Variants in CHST11 observed in about 807,000 individuals in gnomAD.
The protein encoded by CHST11 is C4S-1.
Under a neutral mutation model 30.4 loss-of-function variants are expected in CHST11, and 9 were observed. That is an observed-to-expected ratio of 0.30 (90% CI 0.18 to 0.52). The LOEUF (loss-of-function observed/expected upper bound fraction) is 0.52, where lower values mean the gene tolerates loss of function less well. Among genes scored for constraint, CHST11 ranks in the 20% least tolerant of loss-of-function variants. The probability of loss-of-function intolerance (pLI) is 0.97; values close to 1 mark genes in which losing one functional copy is unlikely to be tolerated. For missense variants in CHST11, 348 were observed against 460.6 expected (o/e 0.76, Z 2.24); for synonymous variants, 152 against 187.8 (o/e 0.81, Z 1.56).
At chr12:104,509,897 G>A (rs2037946331) in intron 1 of CHST11, among the ~76,000 whole-genome samples, 1 of 152,244 alleles carries the variant, frequency 6.6e-6, no homozygotes, top group Admixed American at 6.5e-5. Context: ...GATGTGAATA[G>A]CTTAGAGTAG....
intron 1 of CHST11, among the ~76,000 whole-genome samples, chr12:104,595,488 G>A (rs1237200824): frequency 6.6e-6 from 1 of 152,182 alleles, no homozygotes; most frequent in Non-Finnish European, 1.5e-5. Context: ...TGGTTCTACA[G>A]GGAGATGCCC....
At chr12:104,629,807 T>A (rs2039254480) in intron 2 of CHST11, among the ~76,000 whole-genome samples, 2 of 152,170 alleles carry the variant, frequency 1.3e-5, no homozygotes, top group Admixed American at 1.3e-4. Flanking sequence ...GGGCAAGAGT[T>A]AATGGGACTC....
intron 1 of CHST11, among the ~76,000 whole-genome samples, chr12:104,575,720 A>G (rs1189517187): frequency 6.6e-6 from 1 of 152,028 alleles, no homozygotes; most frequent in East Asian, 2.0e-4. Flanking sequence ...ATGCCGAGCC[A>G]CAGAGTGGTC....
chr12:104,498,796 C>T (rs191895948), intron 1 of CHST11, among the ~76,000 whole-genome samples: 78 of 152,308 alleles, frequency 5.1e-4, no homozygotes, highest in African/African-American at 1.5e-3. Flanking sequence ...TGATTTTAAT[C>T]GTCTTTTGCA....
intron 1 of CHST11, among the ~76,000 whole-genome samples, chr12:104,491,298 G>C (rs143951565): frequency 6.6e-6 from 1 of 152,060 alleles, no homozygotes; most frequent in African/African-American, 2.4e-5. Context: ...GAGAGTGACC[G>C]GGGGTGGGAT....
At chr12:104,737,264 C>T (rs925492356) in intron 2 of CHST11, among the ~76,000 whole-genome samples, 9 of 152,210 alleles carry the variant, frequency 5.9e-5, no homozygotes, top group African/African-American at 1.9e-4. Context: ...TGAGGTCACA[C>T]GGGAGGTCAT....
chr12:104,732,747 A>ACATCATCTAT (rs1214562835), intron 2 of CHST11, among the ~76,000 whole-genome samples: 1 of 152,186 alleles, frequency 6.6e-6, no homozygotes, highest in Non-Finnish European at 1.5e-5. Flanking sequence ...CCAGGTGCTC[A>ACATCATCTAT]CATCATCTAT....
chr12:104,510,149 C>G (rs1224211476), intron 1 of CHST11, among the ~76,000 whole-genome samples: 1 of 152,328 alleles, frequency 6.6e-6, no homozygotes, highest in East Asian at 1.9e-4. Flanking sequence ...GCTGACAAAT[C>G]TAGTCAGCCA....
chr12:104,665,648 T>C (rs1330581066), intron 2 of CHST11, among the ~76,000 whole-genome samples: 1 of 151,464 alleles, frequency 6.6e-6, no homozygotes, highest in Non-Finnish European at 1.5e-5. Context: ...GTATTTCTAA[T>C]TTTTAACTTT....
In CHST11 at chr12:104,498,649, T is replaced by G. The variant is rs532289969; in HGVS notation, c.118+41120T>G. Among the ~76,000 whole-genome samples the G allele has an allele frequency of 9.2e-5, 14 of 152,160 alleles. No individual in the cohort carries two copies. The South Asian group carries it at 2.7e-3, about 29-fold the overall frequency. ...CCTATAGGACCTTTTTCACTGAGAG[T>G]TTCACATCTGGGTTATCCAACTTGT... is the stretch of plus-strand genomic sequence containing the variant. On this transcript the variant is annotated intron_variant, in intron 1 of 2. Transcript: ENST00000303694.
chr12:104,493,449 TG>T lies in CHST11; in HGVS notation c.118+35921del, dbSNP rs142520499. Among the ~76,000 whole-genome samples the T allele has an allele frequency of 4.2e-3, 635 of 152,310 alleles. 2 individuals carry two copies. Among genetic ancestry groups the T allele is most frequent in the African/African-American group, 0.015 (613 of 41,570 alleles). On this transcript the variant is annotated intron_variant, in intron 1 of 2. Coordinates refer to ENST00000303694, the MANE Select transcript of CHST11 (RefSeq NM_018413.6). ...TTCCCTTAACAGAGCACCTATGAGG[TG>T]CCAGGTGCTGAGGGTTCGTTGGTGA...
chr12:104,656,128 T>C (rs1365087479), intron 2 of CHST11, among the ~76,000 whole-genome samples: 1 of 152,224 alleles, frequency 6.6e-6, no homozygotes, highest in African/African-American at 2.4e-5. Context: ...CGTAGAACTA[T>C]GTCAGTTGGC....
intron 2 of CHST11, among the ~76,000 whole-genome samples, chr12:104,606,093 C>A (rs1298251274): frequency 1.4e-5 from 2 of 147,398 alleles, no homozygotes; most frequent in Non-Finnish European, 3.0e-5. Context: ...CACAGCAGAT[C>A]CAATTGTTCT....
At chr12:104,725,614 G>A (rs983565422) in intron 2 of CHST11, among the ~76,000 whole-genome samples, 43 of 151,570 alleles carry the variant, frequency 2.8e-4, no homozygotes, top group African/African-American at 1.0e-3. Context: ...GGAAGTGGGT[G>A]TCACTTCTCC....
At chr12:104,672,902 C>T (rs555492241) in intron 2 of CHST11, among the ~76,000 whole-genome samples, 21 of 152,334 alleles carry the variant, frequency 1.4e-4, no homozygotes, top group African/African-American at 4.6e-4. Flanking sequence ...CCCACCATTT[C>T]TGAGGCTGCC....
At chr12:104,640,684 A>C (rs940114405) in intron 2 of CHST11, among the ~76,000 whole-genome samples, 2 of 152,228 alleles carry the variant, frequency 1.3e-5, no homozygotes, top group Non-Finnish European at 2.9e-5. Context: ...TGGATACATG[A>C]CATTACACAA....
At chr12:104,485,230 G>A (rs1019972144) in intron 1 of CHST11, among the ~76,000 whole-genome samples, 4 of 152,184 alleles carry the variant, frequency 2.6e-5, no homozygotes, top group African/African-American at 9.7e-5. Context: ...AGGCGATTCT[G>A]CTGCAGGAGG....
intron 1 of CHST11, among the ~76,000 whole-genome samples, chr12:104,545,771 C>G (rs1446826298): frequency 6.6e-6 from 1 of 152,166 alleles, no homozygotes; most frequent in Non-Finnish European, 1.5e-5. Flanking sequence ...TCACCATAGC[C>G]TCACATGGTT....
At chr12:104,617,185 A>G (rs1035946691) in intron 2 of CHST11, among the ~76,000 whole-genome samples, 1 of 152,204 alleles carries the variant, frequency 6.6e-6, no homozygotes, top group African/African-American at 2.4e-5. Flanking sequence ...CAGTACCTGT[A>G]AAAGGAGAAC....
Sources: gnomAD v4.1 joint callset for allele counts (sites outside exome capture counted in the v4.1 genomes callset) on GRCh38, gnomAD v4.1.1 for gene constraint, MANE v1.5 for transcripts, NCBI Gene and HGNC (gene_info 2026-07-23, HGNC 2026-07-21) for gene names.